Variants in RSBN1L observed in about 807,000 individuals in gnomAD.
The protein encoded by RSBN1L is lysine-specific demethylase RSBN1L.
A neutral mutation model predicts 67.7 loss-of-function variants in RSBN1L; 30 were observed. The ratio of observed to expected loss-of-function variants is 0.44; its 90% CI spans 0.33 to 0.60. The LOEUF (loss-of-function observed/expected upper bound fraction) is 0.60. RSBN1L is among the 20% of genes least tolerant of loss of function. The pLI is 0.02. For synonymous variants in RSBN1L, 433 were observed against 387.0 expected, an observed-to-expected ratio of 1.12 and a Z score of -1.39; for missense variants, 992 against 1,031.7, an observed-to-expected ratio of 0.96 and a Z score of 0.53.
At chr7:77,733,039 A>G (rs1211104676) in intron 1 of RSBN1L, among the ~76,000 whole-genome samples, 1 of 152,128 alleles carries the variant, frequency 6.6e-6, no homozygotes, top group African/African-American at 2.4e-5. Flanking sequence ...TAGGCCTGCA[A>G]TCTGAGCATT....
At chr7:77,702,213 G>T (rs527860836) in intron 1 of RSBN1L, among the ~76,000 whole-genome samples, 4 of 152,168 alleles carry the variant, frequency 2.6e-5, no homozygotes, top group African/African-American at 9.6e-5. Flanking sequence ...TGATCCACCC[G>T]CCTTGGCCTC....
intron 3 of RSBN1L, among the ~76,000 whole-genome samples, chr7:77,763,562 C>G (rs1791723226): frequency 6.6e-6 from 1 of 152,096 alleles, no homozygotes; most frequent in Non-Finnish European, 1.5e-5. Context: ...GCATCTAGAG[C>G]CTGAAGACTG....
intron 2 of RSBN1L, among the ~76,000 whole-genome samples, chr7:77,739,978 CTGAGGTCAGGCAGCCTGCCT>C: frequency 6.6e-6 from 1 of 151,436 alleles, no homozygotes; most frequent in East Asian, 2.0e-4. Flanking sequence ...TGGCGAACTC[CTGAGGTCAGGCAGCCTGCCT>C]GACCCGGCCT....
chr7:77,732,453 C>T (rs944983444), intron 1 of RSBN1L, among the ~76,000 whole-genome samples: 2 of 152,194 alleles, frequency 1.3e-5, no homozygotes, highest in Non-Finnish European at 2.9e-5. Flanking sequence ...CTGCCTCAGC[C>T]TACCAAGTAG....
chr7:77,724,945 C>T (rs763781970), intron 1 of RSBN1L, among the ~76,000 whole-genome samples: 258 of 149,354 alleles, frequency 1.7e-3, no homozygotes, highest in Non-Finnish European at 3.0e-3. Flanking sequence ...CGGGTCCAGT[C>T]GGTTCTCCTG....
intron 1 of RSBN1L, among the ~76,000 whole-genome samples, chr7:77,728,520 C>G (rs1169627776): frequency 1.3e-5 from 2 of 152,128 alleles, no homozygotes; most frequent in African/African-American, 4.8e-5. Flanking sequence ...CCAGAAGACC[C>G]GTGGAGCTTG....
At position 77,750,040 on chromosome 7, in the gene RSBN1L, G is replaced by T; in HGVS notation, c.1320G>T (p.Thr440=). Reference sequence around the variant, plus strand: ...TGGGAAAGAAAGATATAGAGACAACGACTATGTCCAATTTTCATGCTCAGG... The same window carrying T: ...TGGGAAAGAAAGATATAGAGACAACTACTATGTCCAATTTTCATGCTCAGG... ...EILGKKDIET[T]TMSNFHAQVK... The change falls in exon 3 of 8, where the codon ACG becomes ACT. Residue 440 remains threonine (T), a synonymous_variant. Transcript: ENST00000334955. 6.3e-7 allele frequency: 1 copy of T among 1,595,592 alleles called. No individual in the cohort carries two copies. The highest frequency in any genetic ancestry group is 1.1e-5 in the South Asian group (1 of 87,530).
chr7:77,750,897 C>T (rs1859331532), intron 3 of RSBN1L, among the ~76,000 whole-genome samples: 1 of 152,090 alleles, frequency 6.6e-6, no homozygotes, highest in Non-Finnish European at 1.5e-5. Context: ...AGTAAACAGA[C>T]GTAGAGAGAG....
intron 3 of RSBN1L, among the ~76,000 whole-genome samples, chr7:77,764,712 C>A (rs893206097): frequency 6.6e-6 from 1 of 151,918 alleles, no homozygotes; most frequent in African/African-American, 2.4e-5. Flanking sequence ...TTGCAAGCTC[C>A]GCCACCCAGG....
At chr7:77,746,533 C>T (rs767900259) in intron 2 of RSBN1L, among the ~76,000 whole-genome samples, 1 of 152,124 alleles carries the variant, frequency 6.6e-6, no homozygotes, top group African/African-American at 2.4e-5. Flanking sequence ...CAAACCATAT[C>T]ATTTCACCCC....
At chr7:77,766,195 C>G (rs1010673784) in intron 4 of RSBN1L, among the ~76,000 whole-genome samples, 8 of 152,152 alleles carry the variant, frequency 5.3e-5, no homozygotes, top group Admixed American at 3.9e-4. Context: ...AAAGGCCCCT[C>G]TATTTAATTT....
chr7:77,761,598 G>A (rs567176267), intron 3 of RSBN1L, among the ~76,000 whole-genome samples: 7 of 152,192 alleles, frequency 4.6e-5, no homozygotes, highest in Non-Finnish European at 7.3e-5. Flanking sequence ...TGTGAAAAGC[G>A]TGTGGATTTT....
At chr7:77,736,892 G>C (rs1306660968) in intron 2 of RSBN1L, among the ~76,000 whole-genome samples, 1 of 152,172 alleles carries the variant, frequency 6.6e-6, no homozygotes, top group African/African-American at 2.4e-5. Flanking sequence ...GGATGGTGAA[G>C]TAAGTGATCT....
intron 5 of RSBN1L, among the ~76,000 whole-genome samples, chr7:77,771,767 C>A (rs1005412419): frequency 3.3e-5 from 5 of 151,986 alleles, no homozygotes; most frequent in African/African-American, 1.2e-4. Context: ...GCCTTGGCCT[C>A]CCAAAGTGCT....
chr7:77,712,137 C>G (rs1181339252), intron 1 of RSBN1L, among the ~76,000 whole-genome samples: 2 of 151,722 alleles, frequency 1.3e-5, no homozygotes, highest in Non-Finnish European at 2.9e-5. Context: ...AAAAATAATT[C>G]AAATTTTAGG....
At position 77,696,480 on chromosome 7, in the gene RSBN1L, CGCCGA is replaced by C; in HGVS notation, c.15_19del (p.Ser6ArgfsTer41). The C allele has an allele frequency of 6.2e-7, 1 of 1,606,608 alleles. No homozygotes were observed. Among genetic ancestry groups the C allele is most frequent in the Non-Finnish European group, 8.5e-7 (1 of 1,175,958 alleles). ...CAACAGGAGCGCAAAATGGCGGAAC[CGCCGA>C]GCCCCGTGCACTGTGTCGCTGCCGC... On this transcript the variant is annotated frameshift_variant, in exon 1 of 8. Transcript: ENST00000334955. LOFTEE classifies it high-confidence loss of function.
intron 1 of RSBN1L, among the ~76,000 whole-genome samples, chr7:77,723,678 G>C (rs1791152975): frequency 6.6e-6 from 1 of 152,138 alleles, no homozygotes; most frequent in Admixed American, 6.5e-5. Flanking sequence ...GCTCACACCT[G>C]TAATCCTAGC....
chr7:77,754,408 G>A (rs1000220392), intron 3 of RSBN1L, among the ~76,000 whole-genome samples: 42 of 152,162 alleles, frequency 2.8e-4, no homozygotes, highest in African/African-American at 9.4e-4. Context: ...CTTCCGATCT[G>A]TGATCATGGT....
At chr7:77,709,188 G>GTA (rs1554337026) in intron 1 of RSBN1L, among the ~76,000 whole-genome samples, 6,679 of 141,022 alleles carry the variant, frequency 0.047, 138 homozygotes, top group South Asian at 0.13. Context: ...GTGTGTGTGT[G>GTA]TGTGTGTGTA....
Sources: gnomAD v4.1 joint callset for allele counts (sites outside exome capture counted in the v4.1 genomes callset) on GRCh38, gnomAD v4.1.1 for gene constraint, MANE v1.5 for transcripts, NCBI Gene and HGNC (gene_info 2026-07-23, HGNC 2026-07-21) for gene names.